The following TRPM8 variants were observed in gnomAD, a reference collection of about 807,000 sequenced individuals.
TRPM8 encodes TRPM8 cationic channel.
Under a neutral mutation model 133.7 loss-of-function variants are expected in TRPM8, and 110 were observed. The ratio of observed to expected loss-of-function variants is 0.82; its 90% CI spans 0.70 to 0.96. The LOEUF is 0.96. TRPM8 is among the 40% of genes least tolerant of loss of function. The pLI is 0.00. For synonymous variants in TRPM8, 535 were observed against 532.3 expected (o/e 1.01, Z -0.07); for missense variants, 1,291 against 1,379.5 (o/e 0.94, Z 1.02).
intron 15 of TRPM8, among the ~76,000 whole-genome samples, chr2:233,968,555 G>A (rs891209621): frequency 2.6e-5 from 4 of 152,188 alleles, no homozygotes; most frequent in Admixed American, 1.3e-4. Context: ...CCTGGCTGGA[G>A]TAGCCCTAGG....
intron 2 of TRPM8, among the ~76,000 whole-genome samples, chr2:233,927,766 CTTTCTTTCTTTCTTTCTTTCT>C (rs1691559207): frequency 1.4e-5 from 1 of 70,146 alleles, no homozygotes; most frequent in Non-Finnish European, 2.2e-5. Context: ...TTCTTTCTTT[CTTTCTTTCTTTCTTTCTTTCT>C]TTCTTTTCTT....
Position 233,953,976 on chromosome 2 carries a change from G to A in TRPM8, c.1200G>A (p.Gly400=). ...CAGTTATTAAAATGGAAGAAGCTGG[G>A]GATGAAATTGTGAGCAATGCCATCT... ...LLTVIKMEEA[G]DEIVSNAISY... The change falls in exon 10 of 26, where the codon GGG becomes GGA. Residue 400 remains glycine, a synonymous_variant. Transcript: ENST00000324695. 6.2e-7 allele frequency: 1 copy of A among 1,613,906 alleles called. No homozygotes were observed. Among genetic ancestry groups the A allele is most frequent in the Non-Finnish European group, 8.5e-7 (1 of 1,179,912 alleles).
rs1277643354 is a variant in TRPM8 at position 233,953,661 on chromosome 2, C to G, written c.1141-256C>G. On this transcript the variant is annotated intron_variant, in intron 9 of 25. Coordinates refer to ENST00000324695, the MANE Select transcript of TRPM8 (RefSeq NM_024080.5). ...GCTTTGTGACACACACACACACACA[C>G]AGCACCTGCACGCAGATGCACACAT... 8 of 316,228 alleles carry G rather than the reference C, an allele frequency of 2.5e-5. 1 individual carries two copies. The South Asian group carries it at 2.9e-4, about 11-fold the overall frequency. 19.6% of individuals were successfully genotyped at this position (316,228 alleles called of 1,614,324 possible). A position where few individuals can be genotyped will look rare whatever the true frequency, so the allele number is the denominator to read the frequency against.
intron 11 of TRPM8, among the ~76,000 whole-genome samples, chr2:233,956,693 C>T (rs532043377): frequency 7.9e-5 from 12 of 152,102 alleles, no homozygotes; most frequent in East Asian, 3.8e-4. Context: ...TATTAACATG[C>T]GATCAGTTTT....
chr2:233,950,552 T>G (rs891522607), intron 9 of TRPM8, among the ~76,000 whole-genome samples: 2 of 152,188 alleles, frequency 1.3e-5, no homozygotes, highest in African/African-American at 4.8e-5. Context: ...TGCGACTGCA[T>G]ATGCTAAGTC....
At chr2:233,959,837 A>G (rs932287429) in intron 11 of TRPM8, among the ~76,000 whole-genome samples, 1 of 152,072 alleles carries the variant, frequency 6.6e-6, no homozygotes, top group Non-Finnish European at 1.5e-5. Flanking sequence ...GCTGGAGTGC[A>G]GTGGTGTGAT....
chr2:233,982,300 C>T (rs761350136), intron 19 of TRPM8, among the ~76,000 whole-genome samples: 5 of 152,078 alleles, frequency 3.3e-5, no homozygotes, highest in Non-Finnish European at 7.3e-5. Context: ...GTGAGCTAGA[C>T]GCATAGTGAG....
chr2:233,938,858 ATGCCGCGATCCCTGC>A, intron 4 of TRPM8, 125 bp from the exon 5 acceptor site: 2 of 882,630 alleles, frequency 2.3e-6, no homozygotes, highest in Non-Finnish European at 3.4e-6. Context: ...GGGACCCCCA[ATGCCGCGATCCCTGC>A]TGCCCCCACC....
Position 233,926,620 on chromosome 2 carries a change from C to T in TRPM8, c.83C>T (p.Ala28Val), listed in dbSNP as rs200600537. 83 of 1,613,986 alleles carry T rather than the reference C, an allele frequency of 5.1e-5. No homozygotes were observed. The highest frequency in any genetic ancestry group is 1.1e-4 in the African/African-American group (8 of 74,894). ...LDSTRTLYSS[A>V]SRSTDLSYSE... is the part of the protein sequence containing the mutation. ...AGCACCCGGACCCTGTACTCCAGCG[C>T]GTCTCGGAGCACAGACTTGTCTTAC... The change falls in exon 2 of 26, where the codon GCG (alanine) becomes GTG (valine). Residue 28 changes from alanine (A) to valine (V), a missense_variant. Physicochemically the swap from Ala to Val is moderately conservative, Grantham distance 64. Transcript: ENST00000324695.
At chr2:233,977,436 G>T (rs28902199) in intron 17 of TRPM8, among the ~76,000 whole-genome samples, 1 of 152,004 alleles carries the variant, frequency 6.6e-6, no homozygotes, top group Non-Finnish European at 1.5e-5. Context: ...ACCTATTTCC[G>T]ACGTCGCTCT....
At chr2:234,013,457 T>C (rs977149422) in intron 24 of TRPM8, 1 of 152,208 alleles carries the variant, frequency 6.6e-6, no homozygotes, top group Non-Finnish European at 1.5e-5. Context: ...ATCCCTTTCA[T>C]TTCTATGCCC....
intron 2 of TRPM8, among the ~76,000 whole-genome samples, chr2:233,926,871 G>A (rs760312032): frequency 6.6e-6 from 1 of 152,138 alleles, no homozygotes; most frequent in Non-Finnish European, 1.5e-5. Context: ...GGGTCCATCT[G>A]CATTTGTTCT....
rs1392298510 is a variant in TRPM8, at chr2:233,939,114, C to A, written c.465C>A (p.Phe155Leu). The change falls in exon 5 of 26, where the codon TTC becomes TTA. Residue 155 changes from phenylalanine (F) to leucine (L), a missense_variant. Coordinates refer to ENST00000324695, the MANE Select transcript of TRPM8 (RefSeq NM_024080.5). Reference sequence around the variant, plus strand: ...CTGTGACCGGGGGCGCCAAGAACTTCGCCCTGAAGCCGCGCATGCGCAAGA... The same window carrying A: ...CTGTGACCGGGGGCGCCAAGAACTTAGCCCTGAAGCCGCGCATGCGCAAGA... The part of the protein sequence containing the change: ...VISVTGGAKN[F>L]ALKPRMRKIF... The A allele has an allele frequency of 1.2e-6, 2 of 1,614,170 alleles. No individual in the cohort carries two copies. The highest frequency in any genetic ancestry group is 1.7e-6 in the Non-Finnish European group (2 of 1,180,042).
intron 1 of TRPM8, among the ~76,000 whole-genome samples, chr2:233,919,469 G>A (rs1691367368): frequency 6.6e-6 from 1 of 152,070 alleles, no homozygotes; most frequent in Admixed American, 6.5e-5. Context: ...AGGCCAGCCT[G>A]CTTGATTTTG....
intron 23 of TRPM8, among the ~76,000 whole-genome samples, chr2:234,007,509 C>T (rs566818616): frequency 6.6e-6 from 1 of 152,274 alleles, no homozygotes; most frequent in South Asian, 2.1e-4. Flanking sequence ...ATAGATAAGT[C>T]ATAGCTAAGT....
intron 17 of TRPM8, among the ~76,000 whole-genome samples, chr2:233,976,540 C>T (rs1408596290): frequency 2.0e-5 from 3 of 152,072 alleles, no homozygotes; most frequent in South Asian, 2.1e-4. Flanking sequence ...CCAGGGGCTG[C>T]GGGAGGAAGG....
Position 233,980,236 on chromosome 2 carries a change from G to A in TRPM8, c.2404G>A (p.Asp802Asn). Reference sequence around the variant, plus strand: ...TTTTACTGACCTGTGGAATGTGATGGACACGCTGGGGCTTTTTTACTTCAT... The same window carrying A: ...TTTTACTGACCTGTGGAATGTGATGAACACGCTGGGGCTTTTTTACTTCAT... The part of the protein sequence containing the change: ...NYFTDLWNVM[D>N]TLGLFYFIAG... Residue 802 changes from aspartate to asparagine, a missense_variant, in exon 18 of 26, where the codon GAC (aspartate) becomes AAC (asparagine). Transcript: ENST00000324695. The A allele has an allele frequency of 1.2e-6, 2 of 1,604,486 alleles. No individual in the cohort carries two copies. Among genetic ancestry groups the A allele is most frequent in the Non-Finnish European group, 1.7e-6 (2 of 1,176,940 alleles).
chr2:233,937,290 C>A (rs1690776849), intron 3 of TRPM8, 63 bp from the exon 4 acceptor site: 1 of 1,583,084 alleles, frequency 6.3e-7, no homozygotes, highest in Admixed American at 1.7e-5. Context: ...GCTAACAATA[C>A]CAGTTTCCAT....
At chr2:233,934,887 C>T (rs1691758712) in intron 3 of TRPM8, among the ~76,000 whole-genome samples, 1 of 152,232 alleles carries the variant, frequency 6.6e-6, no homozygotes, top group Non-Finnish European at 1.5e-5. Context: ...ATGCATATCA[C>T]TATTACCATC....
Sources: allele counts gnomAD v4.1 joint callset (sites outside exome capture counted in the v4.1 genomes callset), GRCh38; gene constraint gnomAD v4.1.1; transcripts MANE v1.5; gene names NCBI Gene and HGNC (gene_info 2026-07-23, HGNC 2026-07-21).